CCSER1: variants seen among roughly 807,000 people sequenced by gnomAD.
CCSER1 encodes coiled-coil serine rich protein 1, also known as serine-rich coiled-coil domain-containing protein 1.
In CCSER1, 41 loss-of-function variants were observed where a neutral mutation model predicts 82.0. The ratio of observed to expected loss-of-function variants is 0.50; its 90% CI spans 0.39 to 0.65. CCSER1 has a LOEUF of 0.65. Ranked by LOEUF, CCSER1 falls within the 30% of genes least tolerant of loss-of-function variation. The pLI is 0.00. For missense variants in CCSER1, 1,119 were observed against 1,064.2 expected (o/e 1.05, Z -0.72); for synonymous variants, 414 against 383.9 (o/e 1.08, Z -0.92).
chr4:90,980,970 T>C (rs2150420672), intron 9 of CCSER1, among the ~76,000 whole-genome samples: 1 of 151,866 alleles, frequency 6.6e-6, no homozygotes, highest in African/African-American at 2.4e-5. Flanking sequence ...TCTATGCTTG[T>C]GGGTGCAAAT....
At chr4:90,611,899 C>A (rs1363323905) in intron 5 of CCSER1, among the ~76,000 whole-genome samples, 1 of 151,192 alleles carries the variant, frequency 6.6e-6, no homozygotes, top group African/African-American at 2.4e-5. Flanking sequence ...ATATACTTGG[C>A]CTCTTAAATA....
Position 91,072,836 on chromosome 4 carries a change from T to C in CCSER1, c.2173-13114T>C, listed in dbSNP as rs890352612. 6.6e-5 allele frequency among the ~76,000 whole-genome samples: 10 copies of C among 152,208 alleles called. No individual in the cohort carries two copies. In the East Asian group the frequency reaches 1.2e-3, roughly 18 times the overall value. ...TATAAAAAAAGTATATAAAATGATA[T>C]AAAAATAATCCATGTAACATGTACT... On this transcript the variant is annotated intron_variant, in intron 9 of 10. Transcript: ENST00000509176.
At chr4:91,279,360 T>C (rs1742733800) in intron 10 of CCSER1, among the ~76,000 whole-genome samples, 2 of 152,164 alleles carry the variant, frequency 1.3e-5, no homozygotes, top group African/African-American at 4.8e-5. Flanking sequence ...CCTCCACCTT[T>C]GAGAGACCCC....
chr4:90,398,489 G>A (rs975245190), intron 3 of CCSER1, among the ~76,000 whole-genome samples: 15 of 152,130 alleles, frequency 9.9e-5, no homozygotes, highest in African/African-American at 3.6e-4. Context: ...TAGTGTGTTT[G>A]ATAAACACTC....
At chr4:90,414,319 T>C (rs1231164701) in intron 4 of CCSER1, among the ~76,000 whole-genome samples, 1 of 151,916 alleles carries the variant, frequency 6.6e-6, no homozygotes, top group African/African-American at 2.4e-5. Flanking sequence ...TTTTTTATTA[T>C]ATTTTCTTGA....
intron 9 of CCSER1, among the ~76,000 whole-genome samples, chr4:90,936,521 T>G (rs557044532): frequency 6.6e-6 from 1 of 152,202 alleles, no homozygotes; most frequent in Admixed American, 6.5e-5. Flanking sequence ...ATTAAAACTT[T>G]TATGGAAAGA....
chr4:90,531,477 A>G (rs1774523717), intron 5 of CCSER1, among the ~76,000 whole-genome samples: 1 of 148,186 alleles, frequency 6.7e-6, no homozygotes, highest in African/African-American at 2.5e-5. Context: ...AGTTTGTGTG[A>G]TTCTGAGCCT....
Position 91,151,184 on chromosome 4 carries a change from T to G in CCSER1, c.2217+65190T>G, listed in dbSNP as rs187691361. Among the ~76,000 whole-genome samples, 5 of 152,302 alleles carry G rather than the reference T, an allele frequency of 3.3e-5. No homozygotes were observed. The East Asian group carries it at 9.7e-4, about 29-fold the overall frequency. ...TCTACTCAGGGATTCAACTTCTTCCTGGTTTAGTCTTGGGAGGGTGCATTT... is the reference window on the plus strand; with the variant it reads ...TCTACTCAGGGATTCAACTTCTTCCGGGTTTAGTCTTGGGAGGGTGCATTT... On this transcript the variant is annotated intron_variant, in intron 10 of 10. Coordinates refer to ENST00000509176, the MANE Select transcript of CCSER1 (RefSeq NM_001145065.2).
intron 10 of CCSER1, among the ~76,000 whole-genome samples, chr4:91,149,375 T>G (rs1301201505): frequency 1.3e-5 from 2 of 152,354 alleles, no homozygotes; most frequent in South Asian, 2.1e-4. Context: ...ATTCTGGAAA[T>G]TAGCCCTTTG....
chr4:91,037,944 T>G (rs2150570874), intron 9 of CCSER1, among the ~76,000 whole-genome samples: 1 of 152,294 alleles, frequency 6.6e-6, no homozygotes, highest in East Asian at 1.9e-4. Flanking sequence ...TTTTTTTTCT[T>G]AAACTATTCT....
intron 1 of CCSER1, among the ~76,000 whole-genome samples, chr4:90,128,112 C>T (rs911103657): frequency 6.6e-6 from 1 of 152,156 alleles, no homozygotes; most frequent in Non-Finnish European, 1.5e-5. Flanking sequence ...GGTTTGCTGC[C>T]TGCGGCCGCG....
rs79478173 is a variant in CCSER1 at position 90,385,755 on chromosome 4, T to C, written c.1510-14281T>C. ...TGATGGTTAGTGATGTTAAGCATTTTTTCATATATTTCTTGGCCATTTGTA... is the reference window on the plus strand; with the variant it reads ...TGATGGTTAGTGATGTTAAGCATTTCTTCATATATTTCTTGGCCATTTGTA... On this transcript the variant is annotated intron_variant, in intron 3 of 10. Coordinates refer to ENST00000509176, the MANE Select transcript of CCSER1 (RefSeq NM_001145065.2). 1.4e-4 allele frequency among the ~76,000 whole-genome samples: 22 copies of C among 152,288 alleles called. No homozygotes were observed. The East Asian group carries it at 3.5e-3, about 24-fold the overall frequency.
intron 5 of CCSER1, among the ~76,000 whole-genome samples, chr4:90,543,117 T>G (rs185430917): frequency 1.3e-4 from 20 of 152,132 alleles, no homozygotes; most frequent in Non-Finnish European, 2.4e-4. Context: ...GAACTAGGAG[T>G]TCACATGCAA....
intron 7 of CCSER1, among the ~76,000 whole-genome samples, chr4:90,789,313 C>T (rs1307134983): frequency 6.6e-6 from 1 of 152,064 alleles, no homozygotes; most frequent in Non-Finnish European, 1.5e-5. Context: ...TTGTTTGCTC[C>T]CAAAGCTATT....
At chr4:90,151,639 A>G (rs1490183112) in intron 1 of CCSER1, among the ~76,000 whole-genome samples, 1 of 152,160 alleles carries the variant, frequency 6.6e-6, no homozygotes, top group Non-Finnish European at 1.5e-5. Flanking sequence ...TGATACAAAG[A>G]GTACACCTGG....
intron 10 of CCSER1, among the ~76,000 whole-genome samples, chr4:91,375,131 C>T (rs906560558): frequency 6.6e-6 from 1 of 152,154 alleles, no homozygotes; most frequent in Non-Finnish European, 1.5e-5. Context: ...AGTCATGATT[C>T]ATGGGCAGAG....
At position 91,553,209 on chromosome 4, in the gene CCSER1, G is replaced by A. The variant is rs1195563066; in HGVS notation, c.2218-45363G>A. 1.3e-5 allele frequency among the ~76,000 whole-genome samples: 2 copies of A among 151,312 alleles called. 1 individual carries two copies. The highest frequency in any genetic ancestry group is 3.0e-5 in the Non-Finnish European group (2 of 67,744). On this transcript the variant is annotated intron_variant, in intron 10 of 10. Transcript: ENST00000509176. ...TGTGTTAGATCACATTTTTTGACTT[G>A]CAGATGTTGAACATCCTTGCATCTC...
chr4:90,747,986 AT>A (rs1163665855), intron 7 of CCSER1, among the ~76,000 whole-genome samples: 103 of 148,918 alleles, frequency 6.9e-4, no homozygotes, highest in Middle Eastern at 3.6e-3. Flanking sequence ...TGAACTCATC[AT>A]TTTTTTATGG....
At chr4:91,226,155 T>G (rs1431717335) in intron 10 of CCSER1, among the ~76,000 whole-genome samples, 1 of 151,876 alleles carries the variant, frequency 6.6e-6, no homozygotes, top group Non-Finnish European at 1.5e-5. Context: ...ATTAAATTCC[T>G]AAAATTAATG....
Sources: allele counts gnomAD v4.1 joint callset (sites outside exome capture counted in the v4.1 genomes callset), GRCh38; gene constraint gnomAD v4.1.1; transcripts MANE v1.5; gene names NCBI Gene and HGNC (gene_info 2026-07-23, HGNC 2026-07-21).